Variants in CMSS1 observed in about 807,000 individuals in gnomAD.
CMSS1 encodes the protein cms1 ribosomal small subunit homolog, also known as protein CMSS1.
A neutral mutation model predicts 43.5 loss-of-function variants in CMSS1; 33 were observed. The observed-to-expected ratio is 0.76, with a 90% confidence interval of 0.57 to 1.01. CMSS1 has a LOEUF of 1.01. Ranked by LOEUF, CMSS1 falls within the 50% of genes least tolerant of loss-of-function variation. The pLI, the probability that CMSS1 is intolerant of heterozygous loss-of-function variation, is 0.00. For missense variants in CMSS1, 313 were observed against 326.4 expected, an observed-to-expected ratio of 0.96 and a Z score of 0.32; for synonymous variants, 115 against 117.2, an observed-to-expected ratio of 0.98 and a Z score of 0.12.
rs189728093 is a variant in CMSS1 at position 99,841,860 on chromosome 3, A to G, written c.64+23817A>G. Among the ~76,000 whole-genome samples the G allele has an allele frequency of 7.2e-3, 1,096 of 152,308 alleles. 18 individuals are homozygous for G. Among genetic ancestry groups the G allele is most frequent in the African/African-American group, 0.024 (1,009 of 41,552 alleles). ...TAGATGTTGGTGTGGATGTGGTGAAAGGGGAACACTTTTACACTGTTGGTG... is the reference window on the plus strand; with the variant it reads ...TAGATGTTGGTGTGGATGTGGTGAAGGGGGAACACTTTTACACTGTTGGTG... On this transcript the variant is annotated intron_variant, in intron 1 of 9. Coordinates refer to ENST00000421999, the MANE Select transcript of CMSS1 (RefSeq NM_032359.4).
At chr3:99,877,816 T>C (rs534831220) in intron 1 of CMSS1, among the ~76,000 whole-genome samples, 1 of 152,332 alleles carries the variant, frequency 6.6e-6, no homozygotes, top group South Asian at 2.1e-4. Flanking sequence ...GTATGATGCA[T>C]AAACACCTGA....
At chr3:100,043,742 C>T (rs1023011935) in intron 1 of CMSS1, among the ~76,000 whole-genome samples, 4 of 152,132 alleles carry the variant, frequency 2.6e-5, no homozygotes, top group African/African-American at 7.2e-5. Flanking sequence ...TCTCTGTATA[C>T]ATTATAGAAA....
chr3:100,160,362 G>A, intron 2 of CMSS1, 68 bp from the exon 3 acceptor site: 1 of 764,162 alleles, frequency 1.3e-6, no homozygotes, highest in Non-Finnish European at 2.3e-6. Context: ...AGTACTTTGG[G>A]GTTCATGCCA....
intron 1 of CMSS1, among the ~76,000 whole-genome samples, chr3:100,117,172 T>A (rs1276323311): frequency 6.6e-6 from 1 of 152,096 alleles, no homozygotes; most frequent in Non-Finnish European, 1.5e-5. Context: ...TATAATCTAG[T>A]GGATTATTTT....
intron 1 of CMSS1, among the ~76,000 whole-genome samples, chr3:100,128,684 A>G (rs1474791145): frequency 6.6e-6 from 1 of 152,198 alleles, no homozygotes; most frequent in African/African-American, 2.4e-5. Flanking sequence ...CACAGAAGCA[A>G]CAGCTGATCT....
At chr3:99,826,443 A>G (rs944389115) in intron 1 of CMSS1, among the ~76,000 whole-genome samples, 1 of 152,244 alleles carries the variant, frequency 6.6e-6, no homozygotes, top group Admixed American at 6.5e-5. Flanking sequence ...GTGTAAACGA[A>G]TGAGTATGGC....
chr3:100,117,736 G>T (rs891122782), intron 1 of CMSS1, among the ~76,000 whole-genome samples: 9 of 147,570 alleles, frequency 6.1e-5, no homozygotes, highest in African/African-American at 2.0e-4. Context: ...GATAAATTGG[G>T]TAAAACAGAT....
chr3:100,011,724 A>G (rs1258952166), intron 1 of CMSS1: 4 of 152,132 alleles, frequency 2.6e-5, no homozygotes, highest in Non-Finnish European at 5.9e-5. Flanking sequence ...ATCTCTACCC[A>G]TAGGCTCCAC....
chr3:99,893,349 T>G (rs890066198), intron 1 of CMSS1, among the ~76,000 whole-genome samples: 4 of 152,100 alleles, frequency 2.6e-5, no homozygotes, highest in Middle Eastern at 3.4e-3. Flanking sequence ...GTATTTTTAG[T>G]GGAGACGGGG....
intron 1 of CMSS1, among the ~76,000 whole-genome samples, chr3:100,131,442 G>T (rs2066707641): frequency 6.6e-6 from 1 of 152,178 alleles, no homozygotes; most frequent in African/African-American, 2.4e-5. Context: ...GGAAACCAAA[G>T]CACACAAAGA....
At chr3:100,068,756 T>C (rs1415181556) in intron 1 of CMSS1, among the ~76,000 whole-genome samples, 1 of 152,190 alleles carries the variant, frequency 6.6e-6, no homozygotes, top group Non-Finnish European at 1.5e-5. Flanking sequence ...GCCTCCCAAG[T>C]AGCTGGGAAT....
chr3:99,954,151 A>G (rs1323691045), intron 1 of CMSS1, among the ~76,000 whole-genome samples: 1 of 152,232 alleles, frequency 6.6e-6, no homozygotes, highest in Non-Finnish European at 1.5e-5. Context: ...AGGTACAAAT[A>G]TTGGTCTTCA....
At chr3:99,837,769 T>A (rs1447801312) in intron 1 of CMSS1, among the ~76,000 whole-genome samples, 3 of 152,220 alleles carry the variant, frequency 2.0e-5, no homozygotes, top group African/African-American at 7.2e-5. Context: ...CCTTGAGAAA[T>A]AGAAATCCAG....
At chr3:100,053,887 T>C (rs1192823794) in intron 1 of CMSS1, among the ~76,000 whole-genome samples, 2 of 152,236 alleles carry the variant, frequency 1.3e-5, no homozygotes, top group Non-Finnish European at 2.9e-5. Context: ...ATTATTCATA[T>C]GCAGCTTCCT....
chr3:100,121,447 T>A (rs1483891438), intron 1 of CMSS1, among the ~76,000 whole-genome samples: 1 of 152,130 alleles, frequency 6.6e-6, no homozygotes, highest in African/African-American at 2.4e-5. Flanking sequence ...TGCATAGTAT[T>A]CCATGGTGTA....
intron 1 of CMSS1, among the ~76,000 whole-genome samples, chr3:99,852,720 A>G (rs1445337582): frequency 1.3e-5 from 2 of 152,172 alleles, no homozygotes; most frequent in Non-Finnish European, 1.5e-5. Context: ...CTGAGATAAC[A>G]GGTGTGAGCC....
intron 1 of CMSS1, among the ~76,000 whole-genome samples, chr3:99,873,812 C>T (rs1268923655): frequency 2.0e-5 from 3 of 152,152 alleles, no homozygotes; most frequent in Admixed American, 1.3e-4. Flanking sequence ...TAGTCTCCAT[C>T]ACAGCATTAG....
Position 100,144,186 on chromosome 3 carries a change from A to T in CMSS1, c.65-2787A>T, listed in dbSNP as rs1220286953. ...TTGGTCCCCTATCTTCCTATGGGTTACTTGAACATATTGTAGAAGCCCACT... is the reference window on the plus strand; with the variant it reads ...TTGGTCCCCTATCTTCCTATGGGTTTCTTGAACATATTGTAGAAGCCCACT... On this transcript the variant is annotated intron_variant, in intron 1 of 9. Transcript: ENST00000421999. Among the ~76,000 whole-genome samples, 4 of 152,142 alleles carry T rather than the reference A, an allele frequency of 2.6e-5. No individual in the cohort carries two copies. The South Asian group carries it at 6.2e-4, about 24-fold the overall frequency.
chr3:100,048,460 G>A (rs374629589), intron 1 of CMSS1, among the ~76,000 whole-genome samples: 6 of 152,172 alleles, frequency 3.9e-5, no homozygotes, highest in South Asian at 4.1e-4. Context: ...GTGGCTAACC[G>A]AGGCAAGCTG....
Sources: gnomAD v4.1 joint callset for allele counts (sites outside exome capture counted in the v4.1 genomes callset) on GRCh38, gnomAD v4.1.1 for gene constraint, MANE v1.5 for transcripts, NCBI Gene and HGNC (gene_info 2026-07-23, HGNC 2026-07-21) for gene names.